Variants in ADAMTSL1 observed in about 807,000 individuals in gnomAD.
The protein encoded by ADAMTSL1 is ADAMTS like 1.
Under a neutral mutation model 201.8 loss-of-function variants are expected in ADAMTSL1, and 126 were observed. The observed-to-expected ratio is 0.62, with a 90% CI of 0.54 to 0.72. The LOEUF is 0.72. Ranked by LOEUF, ADAMTSL1 falls within the 30% of genes least tolerant of loss-of-function variation. ADAMTSL1 has a pLI of 0.00. For missense variants in ADAMTSL1, 2,679 were observed against 2,277.8 expected (o/e 1.18, Z -3.59); for synonymous variants, 1,121 against 903.4 (o/e 1.24, Z -4.32).
intron 3 of ADAMTSL1, among the ~76,000 whole-genome samples, chr9:18,550,460 G>A (rs1469780152): frequency 3.9e-5 from 6 of 151,940 alleles, no homozygotes; most frequent in African/African-American, 9.7e-5. Flanking sequence ...GGAGGGGGCC[G>A]TGGCAAGAAC....
At chr9:18,337,412 A>C (rs929092436) in intron 2 of ADAMTSL1, among the ~76,000 whole-genome samples, 1 of 152,126 alleles carries the variant, frequency 6.6e-6, no homozygotes, top group Admixed American at 6.5e-5. Flanking sequence ...TGATGGTGTG[A>C]GTCGATACTC....
intron 2 of ADAMTSL1, among the ~76,000 whole-genome samples, chr9:18,394,973 T>A (rs990668044): frequency 6.6e-6 from 1 of 152,038 alleles, no homozygotes; most frequent in Non-Finnish European, 1.5e-5. Context: ...GTTAAGAGAG[T>A]CAGCATTTGT....
intron 22 of ADAMTSL1, among the ~76,000 whole-genome samples, chr9:18,827,627 AC>A (rs1360404885): frequency 6.6e-6 from 1 of 152,150 alleles, no homozygotes; most frequent in Non-Finnish European, 1.5e-5. Context: ...TACGGTGCTT[AC>A]CAATGAGATT....
At chr9:18,186,181 T>C (rs895316746) in intron 2 of ADAMTSL1, among the ~76,000 whole-genome samples, 1 of 152,184 alleles carries the variant, frequency 6.6e-6, no homozygotes, top group African/African-American at 2.4e-5. Context: ...TGGCTAATGA[T>C]GGTTGTGGAC....
intron 2 of ADAMTSL1, among the ~76,000 whole-genome samples, chr9:18,384,591 T>C (rs1162998408): frequency 6.6e-6 from 1 of 152,140 alleles, no homozygotes; most frequent in Non-Finnish European, 1.5e-5. Context: ...AGGAATGGGG[T>C]ACCTGCCCCA....
At chr9:18,905,685 C>G (rs532603410) in intron 26 of ADAMTSL1, 97 bp from the exon 27 acceptor site, 1 of 876,478 alleles carries the variant, frequency 1.1e-6, no homozygotes, top group Admixed American at 2.0e-5. Context: ...TCCAACAAGA[C>G]CTACACAAGG....
intron 2 of ADAMTSL1, among the ~76,000 whole-genome samples, chr9:18,166,253 C>G (rs779214135): frequency 1.3e-5 from 2 of 152,002 alleles, no homozygotes; most frequent in Non-Finnish European, 2.9e-5. Flanking sequence ...CCAGCACTTG[C>G]TTCTGATAAA....
chr9:18,305,226 C>A (rs1287649771), intron 2 of ADAMTSL1, among the ~76,000 whole-genome samples: 1 of 152,206 alleles, frequency 6.6e-6, no homozygotes, highest in Admixed American at 6.5e-5. Flanking sequence ...CAGGAGATTC[C>A]CTTGGCTGCC....
chr9:18,385,692 TA>T (rs1837763503), intron 2 of ADAMTSL1, among the ~76,000 whole-genome samples: 1 of 152,228 alleles, frequency 6.6e-6, no homozygotes. Context: ...TATCCACCTT[TA>T]AAATTTCACC....
chr9:18,231,102 T>C (rs1323851662), intron 2 of ADAMTSL1, among the ~76,000 whole-genome samples: 1 of 152,170 alleles, frequency 6.6e-6, no homozygotes, highest in Non-Finnish European at 1.5e-5. Context: ...CCTTTCTTGA[T>C]GTCTTTTATT....
intron 1 of ADAMTSL1, among the ~76,000 whole-genome samples, chr9:18,032,243 G>A (rs189584538): frequency 2.6e-5 from 4 of 152,150 alleles, no homozygotes; most frequent in Admixed American, 2.6e-4. Flanking sequence ...ACTCTTCTTT[G>A]TGTCCCAAGA....
intron 2 of ADAMTSL1, among the ~76,000 whole-genome samples, chr9:18,219,113 C>T (rs956351503): frequency 6.6e-6 from 1 of 151,412 alleles, no homozygotes; most frequent in Non-Finnish European, 1.5e-5. Flanking sequence ...GCCAATATTA[C>T]ATTTCTTTAA....
chr9:18,310,367 A>T (rs1834085896), intron 2 of ADAMTSL1, among the ~76,000 whole-genome samples: 1 of 110,486 alleles, frequency 9.1e-6, no homozygotes, highest in Non-Finnish European at 1.7e-5. Flanking sequence ...GCTTCTGCAT[A>T]GCAAAAAAAA....
chr9:18,524,602 T>G (rs1818914412), intron 2 of ADAMTSL1, among the ~76,000 whole-genome samples: 1 of 152,216 alleles, frequency 6.6e-6, no homozygotes, highest in African/African-American at 2.4e-5. Flanking sequence ...CTTATTATTT[T>G]GAGATATGTT....
At chr9:18,399,284 T>TATATATATATATATATATATATAC (rs1563934614) in intron 2 of ADAMTSL1, among the ~76,000 whole-genome samples, 27 of 36,556 alleles carry the variant, frequency 7.4e-4, no homozygotes, top group Non-Finnish European at 9.2e-4. Context: ...GCTTTACATA[T>TATATATATATATATATATATATAC]ATATATATAT....
At chr9:18,365,631 C>T (rs559559258) in intron 2 of ADAMTSL1, among the ~76,000 whole-genome samples, 1 of 151,966 alleles carries the variant, frequency 6.6e-6, no homozygotes, top group Admixed American at 6.6e-5. Flanking sequence ...GTTTTTTAGG[C>T]TAGGGTGAAT....
intron 2 of ADAMTSL1, among the ~76,000 whole-genome samples, chr9:18,527,922 G>A (rs1819190819): frequency 6.6e-6 from 1 of 152,146 alleles, no homozygotes; most frequent in Non-Finnish European, 1.5e-5. Flanking sequence ...CTGTCGCCCA[G>A]GCTGGAATGC....
intron 2 of ADAMTSL1, among the ~76,000 whole-genome samples, chr9:18,395,632 C>T (rs1817724598): frequency 6.6e-6 from 1 of 152,060 alleles, no homozygotes; most frequent in African/African-American, 2.4e-5. Flanking sequence ...CTGAAGCATC[C>T]CTAGACCAAA....
intron 4 of ADAMTSL1, among the ~76,000 whole-genome samples, chr9:18,615,556 A>G (rs953052616): frequency 1.3e-5 from 2 of 152,194 alleles, no homozygotes; most frequent in African/African-American, 4.8e-5. Flanking sequence ...GCATCCTACT[A>G]TAATTTATAG....
Sources: allele counts gnomAD v4.1 joint callset (sites outside exome capture counted in the v4.1 genomes callset), GRCh38; gene constraint gnomAD v4.1.1; transcripts MANE v1.5; gene names NCBI Gene and HGNC (gene_info 2026-07-23, HGNC 2026-07-21).